The following CEP83 variants were observed in gnomAD, a reference collection of about 807,000 sequenced individuals.
CEP83 encodes centrosomal protein of 83 kDa.
In CEP83, 70 loss-of-function variants were observed where a neutral mutation model predicts 101.9. The observed-to-expected ratio is 0.69, with a 90% CI of 0.57 to 0.84. CEP83 has a LOEUF of 0.84. CEP83 is among the 40% of genes least tolerant of loss of function. The pLI, the probability that CEP83 is intolerant of heterozygous loss-of-function variation, is 0.00. For synonymous variants in CEP83, 264 were observed against 267.9 expected, an observed-to-expected ratio of 0.99 and a Z score of 0.14; for missense variants, 715 against 787.2, an observed-to-expected ratio of 0.91 and a Z score of 1.10.
At chr12:94,431,899 G>T (rs925840431) in intron 2 of CEP83, among the ~76,000 whole-genome samples, 1 of 152,052 alleles carries the variant, frequency 6.6e-6, no homozygotes, top group Non-Finnish European at 1.5e-5. Flanking sequence ...ACTAAAAATA[G>T]AACTAGTATA....
intron 2 of CEP83, among the ~76,000 whole-genome samples, chr12:94,415,707 G>T (rs1383927798): frequency 2.0e-5 from 3 of 152,044 alleles, no homozygotes; most frequent in Admixed American, 1.3e-4. Context: ...GGCAGAAGTT[G>T]TCAAAACTAT....
the CEP83 span, among the ~76,000 whole-genome samples, chr12:94,266,680 T>A: frequency 6.6e-6 from 1 of 152,214 alleles, no homozygotes; most frequent in Non-Finnish European, 1.5e-5. Context: ...TTGGGCAAGT[T>A]TCTAAACCTC....
the CEP83 span, among the ~76,000 whole-genome samples, chr12:94,275,589 C>T: frequency 1.2e-5 from 1 of 86,094 alleles, no homozygotes; most frequent in African/African-American, 5.0e-5. Context: ...CGCGGTGGCT[C>T]ACGCCTGTAA....
chr12:94,399,020 A>G (rs1156580722), intron 6 of CEP83, among the ~76,000 whole-genome samples: 6 of 152,196 alleles, frequency 3.9e-5, no homozygotes, highest in Admixed American at 3.9e-4. Context: ...TATCAAGACA[A>G]TACATGCACC....
chr12:94,353,384 ACAT>A (rs2060291312), intron 11 of CEP83, among the ~76,000 whole-genome samples: 2 of 152,334 alleles, frequency 1.3e-5, no homozygotes, highest in South Asian at 4.1e-4. Context: ...ACAATGACTA[ACAT>A]CATGAAAACA....
intron 8 of CEP83, among the ~76,000 whole-genome samples, chr12:94,374,763 T>C (rs1483416190): frequency 1.3e-5 from 2 of 152,214 alleles, no homozygotes; most frequent in Non-Finnish European, 2.9e-5. Context: ...TATGTTACAA[T>C]ATTTTCTTAT....
chr12:94,412,243 A>T, intron 3 of CEP83, 75 bp downstream of exon 3: 1 of 1,209,574 alleles, frequency 8.3e-7, no homozygotes, highest in Non-Finnish European at 1.2e-6. Flanking sequence ...ACTATATTCT[A>T]TAGCAAACAT....
At chr12:94,378,482 G>A (rs189264360) in intron 7 of CEP83, among the ~76,000 whole-genome samples, 4 of 152,172 alleles carry the variant, frequency 2.6e-5, no homozygotes, top group Admixed American at 1.3e-4. Flanking sequence ...ATGACTTTAC[G>A]CTCAGAAACT....
At chr12:94,440,908 C>A (rs2066352802) in intron 1 of CEP83, among the ~76,000 whole-genome samples, 1 of 151,962 alleles carries the variant, frequency 6.6e-6, no homozygotes, top group South Asian at 2.1e-4. Flanking sequence ...TTTGACAAAG[C>A]AAACAAAAAC....
At chr12:94,440,274 T>A (rs544240821) in intron 1 of CEP83, among the ~76,000 whole-genome samples, 1 of 152,208 alleles carries the variant, frequency 6.6e-6, no homozygotes, top group Admixed American at 6.5e-5. Context: ...TATGATCATA[T>A]ACCTAGAAAA....
Position 94,447,488 on chromosome 12 carries a change from G to A in CEP83, c.-155+12069C>T, listed in dbSNP as rs562482410. Among the ~76,000 whole-genome samples, 50 of 152,256 alleles carry A rather than the reference G, an allele frequency of 3.3e-4. 1 individual carries two copies. Among genetic ancestry groups the A allele is most frequent in the Non-Finnish European group, 6.9e-4 (47 of 68,024 alleles). ...CTATTGCACTCCAGCCTGGAAAACA[G>A]GAGAACCTGTCTGGAAAAAAAAGAA... On this transcript the variant is annotated intron_variant, in intron 1 of 16. Coordinates refer to ENST00000397809, the MANE Select transcript of CEP83 (RefSeq NM_016122.3).
intron 6 of CEP83, among the ~76,000 whole-genome samples, chr12:94,390,529 C>G (rs1003974887): frequency 7.2e-5 from 11 of 152,164 alleles, no homozygotes; most frequent in African/African-American, 2.7e-4. Flanking sequence ...GAAACCAGAG[C>G]AGAAAAGCTG....
chr12:94,385,574 T>C (rs1314022952), intron 6 of CEP83, among the ~76,000 whole-genome samples: 1 of 152,230 alleles, frequency 6.6e-6, no homozygotes, highest in African/African-American at 2.4e-5. Context: ...CCTCTGATTC[T>C]GTCTTCTGGA....
intron 2 of CEP83, among the ~76,000 whole-genome samples, 186 bp from the exon 3 acceptor site, chr12:94,412,777 C>T (rs1283172138): frequency 1.4e-5 from 2 of 147,786 alleles, no homozygotes; most frequent in Non-Finnish European, 3.0e-5. Flanking sequence ...GCAACCTCCA[C>T]TCCCAAGTTC....
At chr12:94,401,767 A>T (rs187537195) in intron 5 of CEP83, among the ~76,000 whole-genome samples, 203 of 150,092 alleles carry the variant, frequency 1.4e-3, no homozygotes, top group Non-Finnish European at 1.8e-3. Context: ...GCTTTGATTT[A>T]AAAAAAAAAG....
intron 11 of CEP83, among the ~76,000 whole-genome samples, chr12:94,344,517 T>C (rs935813825): frequency 4.6e-5 from 7 of 152,084 alleles, no homozygotes; most frequent in African/African-American, 1.7e-4. Flanking sequence ...AGTCACAGGA[T>C]TCAAGATCAA....
the CEP83 span, among the ~76,000 whole-genome samples, chr12:94,296,097 A>C: frequency 1.3e-5 from 2 of 151,810 alleles, no homozygotes; most frequent in Admixed American, 6.6e-5. Flanking sequence ...CTCTTTTCTC[A>C]CCTGTACTTT....
intron 1 of CEP83, among the ~76,000 whole-genome samples, chr12:94,456,874 C>T (rs991145600): frequency 9.2e-5 from 14 of 152,130 alleles, no homozygotes; most frequent in African/African-American, 3.4e-4. Context: ...TACAGCTCAT[C>T]GAGATCTGAA....
At chr12:94,365,231 T>C (rs993230243) in intron 11 of CEP83, among the ~76,000 whole-genome samples, 2 of 152,090 alleles carry the variant, frequency 1.3e-5, no homozygotes, top group African/African-American at 4.8e-5. Context: ...AAAAATGATA[T>C]AAAAATGGCC....
Sources: gnomAD v4.1 joint callset for allele counts (sites outside exome capture counted in the v4.1 genomes callset) on GRCh38, gnomAD v4.1.1 for gene constraint, MANE v1.5 for transcripts, NCBI Gene and HGNC (gene_info 2026-07-23, HGNC 2026-07-21) for gene names.